Variants in NAA16 observed in about 807,000 individuals in gnomAD.
The protein encoded by NAA16 is N-alpha-acetyltransferase 16, NatA auxiliary subunit, also known as NARG1-like protein.
In NAA16, 97 loss-of-function variants were observed where a neutral mutation model predicts 110.3. That is an observed-to-expected ratio of 0.88 (90% confidence interval 0.75 to 1.04). The LOEUF (loss-of-function observed/expected upper bound fraction) is 1.04. Among genes scored for constraint, NAA16 ranks in the 50% least tolerant of loss-of-function variants. NAA16 has a pLI of 0.00. For missense variants in NAA16, 1,017 were observed against 1,005.1 expected, an observed-to-expected ratio of 1.01 and a Z score of -0.16; for synonymous variants, 372 against 330.6, an observed-to-expected ratio of 1.13 and a Z score of -1.36.
intron 15 of NAA16, among the ~76,000 whole-genome samples, chr13:41,371,776 C>G (rs2043323853): frequency 6.6e-6 from 1 of 152,132 alleles, no homozygotes; most frequent in African/African-American, 2.4e-5. Flanking sequence ...GGGGGTGGGT[C>G]AGCTCCCCTA....
intron 2 of NAA16, among the ~76,000 whole-genome samples, chr13:41,318,092 T>C (rs2139370327): frequency 6.6e-6 from 1 of 152,238 alleles, no homozygotes; most frequent in Middle Eastern, 3.4e-3. Context: ...GTAGATTGAG[T>C]GTTTTTGTGT....
Position 41,335,016 on chromosome 13 carries a change from A to G in NAA16, c.908-1634A>G, listed in dbSNP as rs558132828. On this transcript the variant is annotated intron_variant, in intron 8 of 19. Transcript: ENST00000379406. ...CGTATTTGGAGATTAGTCCTGGATC[A>G]GCACTTCAAGAGCTTCCCCATTCTT... 3.3e-5 allele frequency among the ~76,000 whole-genome samples: 5 copies of G among 152,332 alleles called. No individual in the cohort carries two copies. The South Asian group carries it at 1.0e-3, about 32-fold the overall frequency.
At chr13:41,328,695 A>G (rs761859853) in intron 6 of NAA16, 29 bp from the exon 7 acceptor site, 38 of 1,568,444 alleles carry the variant, frequency 2.4e-5, no homozygotes, top group Non-Finnish European at 3.2e-5. Flanking sequence ...TAATGTTTAA[A>G]ATGAATATGT....
At chr13:41,341,010 G>A (rs573554330) in intron 9 of NAA16, among the ~76,000 whole-genome samples, 2 of 152,148 alleles carry the variant, frequency 1.3e-5, no homozygotes, top group Non-Finnish European at 2.9e-5. Flanking sequence ...ATTGCACTGT[G>A]GTCTGAGAGA....
intron 9 of NAA16, among the ~76,000 whole-genome samples, chr13:41,348,144 T>G (rs1410425482): frequency 6.6e-6 from 1 of 152,186 alleles, no homozygotes; most frequent in East Asian, 1.9e-4. Context: ...ATATTTACAT[T>G]AATTGATTTC....
chr13:41,325,630 TTTAA>T, intron 5 of NAA16, 64 bp from the exon 6 acceptor site: 2 of 1,047,578 alleles, frequency 1.9e-6, no homozygotes, highest in Non-Finnish European at 2.7e-6. Flanking sequence ...GAGAAGGCAG[TTTAA>T]TTAAAGGTCT....
chr13:41,347,333 C>A lies in NAA16; in HGVS notation c.1015-7811C>A, dbSNP rs369357168. 2.3e-4 allele frequency among the ~76,000 whole-genome samples: 35 copies of A among 151,220 alleles called. No individual in the cohort carries two copies. In the East Asian group the frequency reaches 6.0e-3, roughly 26 times the overall value. ...GTTTTTCAAGACTATTTTGGTTATT[C>A]AGGGTTCCTTTTATTTCCATTTGAA... On this transcript the variant is annotated intron_variant, in intron 9 of 19. Coordinates refer to ENST00000379406, the MANE Select transcript of NAA16 (RefSeq NM_024561.5).
chr13:41,312,410 C>G (rs910122893), intron 1 of NAA16, among the ~76,000 whole-genome samples: 2 of 152,112 alleles, frequency 1.3e-5, no homozygotes, highest in Non-Finnish European at 2.9e-5. Flanking sequence ...GGGCTGTGTG[C>G]CAGCGTCCCT....
chr13:41,365,791 G>A (rs1487750663), intron 13 of NAA16, among the ~76,000 whole-genome samples: 1 of 152,088 alleles, frequency 6.6e-6, no homozygotes. Context: ...AAATATTTGT[G>A]GTTACATATG....
chr13:41,344,843 A>G (rs1389828066), intron 9 of NAA16, among the ~76,000 whole-genome samples: 1 of 152,196 alleles, frequency 6.6e-6, no homozygotes, highest in Admixed American at 6.5e-5. Context: ...ATGTTTTGTC[A>G]TCCCCCAAAG....
chr13:41,311,393 A>G lies in NAA16; in HGVS notation c.-136A>G. On this transcript the variant is annotated 5_prime_UTR_variant, in exon 1 of 20. Transcript: ENST00000379406. ...CGAACAGCCAGGCTGCCCAATTGCA[A>G]CTGTAGACCAATGAACTAATCCATC... 3.7e-6 allele frequency: 3 copies of G among 801,984 alleles called. No homozygotes were observed. Among genetic ancestry groups the G allele is most frequent in the Non-Finnish European group, 4.0e-6 (2 of 502,600 alleles). 49.7% of individuals were successfully genotyped at this position (801,984 alleles called of 1,614,324 possible).
rs2043231242 is a variant in NAA16, at chr13:41,367,564, C to T, written c.1665C>T (p.Phe555=). ...TACTCAGAAGACATGCCTTTTATTT[C>T]AAGGCTGCTAGATCAGCGATTGAAA... is the stretch of plus-strand genomic sequence containing the variant. The part of the protein sequence containing the change: ...EDILRRHAFY[F]KAARSAIEIY... Residue 555 remains phenylalanine (F), a synonymous_variant, in exon 14 of 20, where the codon TTC becomes TTT. Coordinates refer to ENST00000379406, the MANE Select transcript of NAA16 (RefSeq NM_024561.5). 1 of 1,612,976 alleles carries T rather than the reference C, an allele frequency of 6.2e-7. No homozygotes were observed. The highest frequency in any genetic ancestry group is 8.5e-7 in the Non-Finnish European group (1 of 1,179,442).
chr13:41,316,746 C>T, intron 1 of NAA16, 100 bp from the exon 2 acceptor site: 2 of 731,494 alleles, frequency 2.7e-6, no homozygotes, highest in South Asian at 3.2e-5. Flanking sequence ...ACATTTTAGA[C>T]CTAATTTTGG....
At chr13:41,322,630 C>T (rs748992853) in intron 4 of NAA16, among the ~76,000 whole-genome samples, 27 of 152,092 alleles carry the variant, frequency 1.8e-4, no homozygotes, top group African/African-American at 4.8e-4. Flanking sequence ...TTGGGTGTTT[C>T]GCCTGGCTGT....
At position 41,375,729 on chromosome 13, in the gene NAA16, G is replaced by T; in HGVS notation, c.*127G>T. On this transcript the variant is annotated 3_prime_UTR_variant, in exon 20 of 20. Transcript: ENST00000379406. ...TTAGGATTTTTAAATGGCATATTCT[G>T]TAAGCTTATTTTGTTCTTTACCCGA... 1 of 685,216 alleles carries T rather than the reference G, an allele frequency of 1.5e-6. No individual in the cohort carries two copies. Among genetic ancestry groups the T allele is most frequent in the South Asian group, 2.5e-5 (1 of 40,024 alleles). The allele number at this position is 685,216 out of a possible 1,614,324, so 42.4% of individuals were successfully genotyped here. A position where few individuals can be genotyped will look rare whatever the true frequency, so the allele number is the denominator to read the frequency against.
At chr13:41,317,037 T>G (rs2041828144) in intron 2 of NAA16, 107 bp downstream of exon 2, 3 of 737,786 alleles carry the variant, frequency 4.1e-6, no homozygotes, top group Non-Finnish European at 7.2e-6. Flanking sequence ...CAGTTCTCTA[T>G]TAGAGTGCAT....
In NAA16 at chr13:41,373,736, A is replaced by T; in HGVS notation, c.2255A>T (p.Asp752Val). ...VKKDLESFNE[D>V]FLKRNATSLQ... ...AAGGATTTGGAAAGTTTTAATGAGG[A>T]TTTTCTGAAACGTAACGCTACCTCT... The change falls in exon 18 of 20, where the codon GAT becomes GTT. Residue 752 changes from aspartate to valine, a missense_variant. Transcript: ENST00000379406. 1 of 1,611,848 alleles carries T rather than the reference A, an allele frequency of 6.2e-7. No homozygotes were observed.
At position 41,358,826 on chromosome 13, in the gene NAA16, A is replaced by G; in HGVS notation, c.1274A>G (p.Lys425Arg). 1 of 1,603,066 alleles carries G rather than the reference A, an allele frequency of 6.2e-7. No homozygotes were observed. The highest frequency in any genetic ancestry group is 8.5e-7 in the Non-Finnish European group (1 of 1,173,116). ...AKIYKHIGNL[K>R]EAAKWMDEAQ... ...CTTTTATAGCATATAGGTAATCTCA[A>G]AGAAGCTGCAAAGTGGATGGATGAA... The change falls in exon 12 of 20, where the codon AAA becomes AGA. Residue 425 changes from lysine to arginine, a missense_variant. Transcript: ENST00000379406.
At chr13:41,359,761 A>G (rs1330631698) in intron 12 of NAA16, among the ~76,000 whole-genome samples, 1 of 152,170 alleles carries the variant, frequency 6.6e-6, no homozygotes, top group South Asian at 2.1e-4. Flanking sequence ...CTTAGGATAA[A>G]CTAATTATAA....
Sources: gnomAD v4.1 joint callset for allele counts (sites outside exome capture counted in the v4.1 genomes callset) on GRCh38, gnomAD v4.1.1 for gene constraint, MANE v1.5 for transcripts, NCBI Gene and HGNC (gene_info 2026-07-23, HGNC 2026-07-21) for gene names.